Variants in ANTXR2 observed in about 807,000 individuals in gnomAD.
ANTXR2 encodes the protein anthrax toxin receptor 2.
Under a neutral mutation model 73.7 loss-of-function variants are expected in ANTXR2, and 44 were observed. The observed-to-expected ratio is 0.60, with a 90% CI of 0.47 to 0.77. ANTXR2 has a LOEUF of 0.77. ANTXR2 is among the 30% of genes least tolerant of loss of function. The probability of loss-of-function intolerance (pLI) is 0.00; values close to 1 mark genes in which losing one functional copy is unlikely to be tolerated. For missense variants in ANTXR2, 604 were observed against 592.5 expected (o/e 1.02, Z -0.20); for synonymous variants, 217 against 205.9 (o/e 1.05, Z -0.46).
At chr4:79,917,421 G>A (rs1039071332) in intron 16 of ANTXR2, among the ~76,000 whole-genome samples, 1 of 152,102 alleles carries the variant, frequency 6.6e-6, no homozygotes, top group Admixed American at 6.6e-5. Flanking sequence ...AAAACTCATG[G>A]GGCCCTCTCA....
chr4:79,937,695 A>G (rs943358516), intron 16 of ANTXR2, among the ~76,000 whole-genome samples: 2 of 152,122 alleles, frequency 1.3e-5, no homozygotes, highest in Non-Finnish European at 2.9e-5. Context: ...GCACTGTGAT[A>G]GTGTTTTTAA....
chr4:80,026,067 T>G (rs1732420710), intron 10 of ANTXR2, among the ~76,000 whole-genome samples: 1 of 152,156 alleles, frequency 6.6e-6, no homozygotes, highest in Admixed American at 6.5e-5. Flanking sequence ...TTGAGTGCCT[T>G]TCATCCAAAA....
At chr4:79,963,044 G>T (rs1729204971) in intron 16 of ANTXR2, among the ~76,000 whole-genome samples, 2 of 152,146 alleles carry the variant, frequency 1.3e-5, no homozygotes, top group Admixed American at 6.5e-5. Flanking sequence ...ATGGCAGTGT[G>T]ATGCAGAATC....
rs528711865 is a variant in ANTXR2 at position 80,058,758 on chromosome 4, A to G, written c.297-2745T>C. On this transcript the variant is annotated intron_variant, in intron 3 of 16. Coordinates refer to ENST00000403729, the MANE Select transcript of ANTXR2 (RefSeq NM_058172.6). The stretch of plus-strand genomic sequence containing the variant: ...AAGAAAGAAAGGTTATGTTATAAAG[A>G]TAAGTTCAACTCCTTGAATTCAACA... Among the ~76,000 whole-genome samples the G allele has an allele frequency of 3.3e-5, 5 of 152,196 alleles. No individual in the cohort carries two copies. In the South Asian group the frequency reaches 8.3e-4, roughly 25 times the overall value.
intron 16 of ANTXR2, among the ~76,000 whole-genome samples, chr4:79,926,133 TTA>T (rs1452168551): frequency 6.6e-6 from 1 of 152,128 alleles, no homozygotes; most frequent in Non-Finnish European, 1.5e-5. Flanking sequence ...ATTGATTAGT[TTA>T]TGTTCAATAA....
chr4:79,901,259 A>G lies in ANTXR2; in HGVS notation c.*6170T>C, dbSNP rs954248140. 2 of 152,170 alleles carry G rather than the reference A, an allele frequency of 1.3e-5. No individual in the cohort carries two copies. The highest frequency in any genetic ancestry group is 4.8e-5 in the African/African-American group (2 of 41,454). 9.4% of individuals were successfully genotyped at this position (152,170 alleles called of 1,614,324 possible). ...CTATTTACAGGTGTCATCTGCTAGA[A>G]CTAGTCAATCTTGTTTTATATTGTG... On this transcript the variant is annotated 3_prime_UTR_variant, in exon 17 of 17. Transcript: ENST00000403729.
At chr4:79,987,265 C>T (rs1054118618) in intron 12 of ANTXR2, among the ~76,000 whole-genome samples, 4 of 138,062 alleles carry the variant, frequency 2.9e-5, no homozygotes, top group East Asian at 2.8e-4. Context: ...AATGACATTG[C>T]CATTTTAAGA....
At chr4:80,000,515 T>C (rs998262698) in intron 12 of ANTXR2, among the ~76,000 whole-genome samples, 6 of 152,056 alleles carry the variant, frequency 3.9e-5, no homozygotes, top group African/African-American at 1.4e-4. Context: ...CAATGATAGG[T>C]AGAATACACA....
intron 7 of ANTXR2, among the ~76,000 whole-genome samples, chr4:80,045,971 T>C (rs919573128): frequency 6.6e-6 from 1 of 151,796 alleles, no homozygotes; most frequent in Non-Finnish European, 1.5e-5. Flanking sequence ...CTTCAAAATA[T>C]CAGTTGCTCA....
intron 12 of ANTXR2, among the ~76,000 whole-genome samples, chr4:79,989,693 A>C (rs1730372059): frequency 6.6e-6 from 1 of 152,166 alleles, no homozygotes; most frequent in Admixed American, 6.5e-5. Flanking sequence ...AGAAAACTTC[A>C]GGCCAATATG....
intron 8 of ANTXR2, among the ~76,000 whole-genome samples, chr4:80,034,373 A>C (rs1168064718): frequency 6.6e-6 from 1 of 152,176 alleles, no homozygotes; most frequent in Admixed American, 6.6e-5. Context: ...TGAAGCACAA[A>C]TAAAATTTTA....
chr4:79,991,656 T>C (rs566281328), intron 12 of ANTXR2, among the ~76,000 whole-genome samples: 11 of 152,062 alleles, frequency 7.2e-5, no homozygotes, highest in South Asian at 2.1e-4. Flanking sequence ...CACTTGTATG[T>C]TCATCACAAC....
At chr4:80,029,337 ATT>A (rs78158361) in intron 10 of ANTXR2, among the ~76,000 whole-genome samples, 1 of 150,638 alleles carries the variant, frequency 6.6e-6, no homozygotes, top group South Asian at 2.1e-4. Context: ...GAAAGCCAAG[ATT>A]TTTTTTTTCT....
At chr4:79,918,615 T>A (rs1265151194) in intron 16 of ANTXR2, among the ~76,000 whole-genome samples, 1 of 152,040 alleles carries the variant, frequency 6.6e-6, no homozygotes, top group African/African-American at 2.4e-5. Flanking sequence ...AAAATACCCT[T>A]TAAAACTAAA....
intron 16 of ANTXR2, among the ~76,000 whole-genome samples, chr4:79,922,404 A>G (rs1727626186): frequency 6.6e-6 from 1 of 152,084 alleles, no homozygotes; most frequent in Non-Finnish European, 1.5e-5. Context: ...CTCCTAGTCT[A>G]AACAACTTAT....
At chr4:79,966,079 C>T (rs1729349055) in intron 16 of ANTXR2, among the ~76,000 whole-genome samples, 1 of 151,436 alleles carries the variant, frequency 6.6e-6, no homozygotes, top group African/African-American at 2.4e-5. Flanking sequence ...AACAAAAGAA[C>T]TCCAGGACTA....
At chr4:80,006,516 A>G (rs1396166817) in intron 12 of ANTXR2, among the ~76,000 whole-genome samples, 2 of 152,118 alleles carry the variant, frequency 1.3e-5, no homozygotes, top group Non-Finnish European at 2.9e-5. Context: ...AGTTTCCTCT[A>G]TTAAATAAGT....
intron 12 of ANTXR2, among the ~76,000 whole-genome samples, chr4:79,987,059 C>T (rs1730198464): frequency 6.6e-6 from 1 of 152,116 alleles, no homozygotes; most frequent in South Asian, 2.1e-4. Flanking sequence ...AAAGAACCAG[C>T]ACAAGAATTC....
intron 10 of ANTXR2, among the ~76,000 whole-genome samples, chr4:80,031,273 C>T: frequency 1.6e-5 from 1 of 61,532 alleles, no homozygotes; most frequent in South Asian, 5.0e-4. Flanking sequence ...CATGCACACA[C>T]ATGTGTGTGC....
Sources: allele counts gnomAD v4.1 joint callset (sites outside exome capture counted in the v4.1 genomes callset), GRCh38; gene constraint gnomAD v4.1.1; transcripts MANE v1.5; gene names NCBI Gene and HGNC (gene_info 2026-07-23, HGNC 2026-07-21).